Variants in SORCS3 observed in about 807,000 individuals in gnomAD.
SORCS3 encodes sortilin related VPS10 domain containing receptor 3.
A neutral mutation model predicts 146.3 loss-of-function variants in SORCS3; 57 were observed. That is an observed-to-expected ratio of 0.39 (90% CI 0.31 to 0.49). The LOEUF (loss-of-function observed/expected upper bound fraction) is 0.49. Among genes scored for constraint, SORCS3 ranks in the 20% least tolerant of loss-of-function variants. The probability of loss-of-function intolerance (pLI) is 0.92; values close to 1 mark genes in which losing one functional copy is unlikely to be tolerated. For missense variants in SORCS3, 1,341 were observed against 1,575.5 expected (o/e 0.85, Z 2.52); for synonymous variants, 653 against 618.5 (o/e 1.06, Z -0.83).
At chr10:105,155,761 G>A (rs1280294819) in intron 9 of SORCS3, among the ~76,000 whole-genome samples, 1 of 152,090 alleles carries the variant, frequency 6.6e-6, no homozygotes, top group Non-Finnish European at 1.5e-5. Context: ...CCCTACCTTG[G>A]TTTCTCTGCT....
Position 104,641,864 on chromosome 10 carries a change from A to G in SORCS3, c.537A>G (p.Glu179=). Reference sequence around the variant, plus strand: ...CGCGGGCTGGGGGGTCGGCGGCTGAAGACCTCCGGCTGCCCAGCACCTCCT... The same window carrying G: ...CGCGGGCTGGGGGGTCGGCGGCTGAGGACCTCCGGCTGCCCAGCACCTCCT... ...KAPRAGGSAA[E]DLRLPSTSFA... is the part of the protein sequence containing the mutation. Residue 179 remains glutamate, a synonymous_variant, in exon 1 of 27, where the codon GAA becomes GAG. Transcript: ENST00000369701. This position sits in a 1 kb window ranked among gnomAD's most constrained non-coding sequence, Gnocchi z 6.4. 1.3e-6 allele frequency: 2 copies of G among 1,581,174 alleles called. No homozygotes were observed. The highest frequency in any genetic ancestry group is 4.6e-5 in the East Asian group (2 of 43,146).
chr10:104,720,847 T>C (rs911028446), intron 1 of SORCS3, among the ~76,000 whole-genome samples: 2 of 152,234 alleles, frequency 1.3e-5, no homozygotes, highest in Non-Finnish European at 2.9e-5. Flanking sequence ...TGTAAATTTG[T>C]TTGAGTTCAT....
chr10:104,818,648 TA>T (rs2017835838), intron 1 of SORCS3, among the ~76,000 whole-genome samples: 2 of 152,166 alleles, frequency 1.3e-5, no homozygotes, highest in Non-Finnish European at 2.9e-5. Flanking sequence ...ACTCTGAGCT[TA>T]TGTCAGTTCC....
At chr10:104,962,995 A>G (rs2054804972) in intron 3 of SORCS3, among the ~76,000 whole-genome samples, 1 of 152,218 alleles carries the variant, frequency 6.6e-6, no homozygotes, top group South Asian at 2.1e-4. Flanking sequence ...CATATGTCAT[A>G]AAAGTATTTG....
intron 1 of SORCS3, among the ~76,000 whole-genome samples, chr10:104,696,030 TATA>T (rs1007863239): frequency 4.6e-5 from 6 of 131,706 alleles, no homozygotes; most frequent in Admixed American, 8.4e-5. Flanking sequence ...CATATACACA[TATA>T]ATATATAATA....
chr10:104,855,903 T>C (rs556640566), intron 2 of SORCS3, among the ~76,000 whole-genome samples: 1 of 152,150 alleles, frequency 6.6e-6, no homozygotes, highest in South Asian at 2.1e-4. Flanking sequence ...ACCTGGCTGA[T>C]TTCTAATTTT....
chr10:105,153,519 T>C (rs790751), intron 9 of SORCS3, among the ~76,000 whole-genome samples: 73,003 of 151,924 alleles, frequency 0.48, 18,082 homozygotes, highest in Non-Finnish European at 0.53. Flanking sequence ...ACCAAATTAT[T>C]CCAAAAGTGG....
chr10:105,017,539 C>T (rs753606949), intron 4 of SORCS3, among the ~76,000 whole-genome samples: 9 of 152,132 alleles, frequency 5.9e-5, no homozygotes, highest in Admixed American at 2.0e-4. Context: ...TGGGGAGGCA[C>T]TCATGGGCTT....
rs556488945 is a variant in SORCS3 at position 104,911,404 on chromosome 10, T to C, written c.696-4429T>C. Reference sequence around the variant, plus strand: ...CAGTCCCTCTTTTCAGCAGCCACTTTTGGAAAATAGCAAAGTCAGTGTTAA... The same window carrying C: ...CAGTCCCTCTTTTCAGCAGCCACTTCTGGAAAATAGCAAAGTCAGTGTTAA... On this transcript the variant is annotated intron_variant, in intron 2 of 26. Transcript: ENST00000369701. 1.1e-4 allele frequency among the ~76,000 whole-genome samples: 17 copies of C among 152,328 alleles called. No homozygotes were observed. The East Asian group carries it at 2.9e-3, about 26-fold the overall frequency.
chr10:104,989,547 AAGT>A (rs1210685898), intron 4 of SORCS3, among the ~76,000 whole-genome samples: 1 of 152,132 alleles, frequency 6.6e-6, no homozygotes, highest in African/African-American at 2.4e-5. Flanking sequence ...TCAAGGGAGG[AAGT>A]AGTAGGTGGA....
chr10:104,934,457 G>T (rs1449371943), intron 3 of SORCS3, among the ~76,000 whole-genome samples: 1 of 152,120 alleles, frequency 6.6e-6, no homozygotes, highest in African/African-American at 2.4e-5. Flanking sequence ...ATGTTTTTGT[G>T]TCCCTGAGTG....
intron 7 of SORCS3, among the ~76,000 whole-genome samples, chr10:105,120,570 A>C (rs751013386): frequency 3.9e-5 from 6 of 152,146 alleles, no homozygotes; most frequent in Non-Finnish European, 7.4e-5. Flanking sequence ...TGCTCCATTC[A>C]GAACTCTACT....
At chr10:104,940,701 C>T (rs2019312172) in intron 3 of SORCS3, among the ~76,000 whole-genome samples, 1 of 152,034 alleles carries the variant, frequency 6.6e-6, no homozygotes, top group East Asian at 1.9e-4. Context: ...CCGCAGTAAA[C>T]ATACGTGTGC....
intron 1 of SORCS3, among the ~76,000 whole-genome samples, chr10:104,766,881 T>C (rs1376911676): frequency 6.6e-6 from 1 of 152,220 alleles, no homozygotes; most frequent in Non-Finnish European, 1.5e-5. Context: ...AGGGTGCATA[T>C]TGGCCTTCTG....
At chr10:104,843,960 C>A (rs1032814962) in intron 2 of SORCS3, among the ~76,000 whole-genome samples, 1 of 152,280 alleles carries the variant, frequency 6.6e-6, no homozygotes. Context: ...CTGAGGGTTT[C>A]CTGGGGTTTT....
chr10:104,685,373 G>A (rs2133269038), intron 1 of SORCS3, among the ~76,000 whole-genome samples: 1 of 152,262 alleles, frequency 6.6e-6, no homozygotes, highest in Admixed American at 6.5e-5. Flanking sequence ...ATCCTACAGT[G>A]GGCAGGAGCT....
chr10:104,820,800 A>T (rs530981615), intron 1 of SORCS3, among the ~76,000 whole-genome samples: 2 of 152,260 alleles, frequency 1.3e-5, no homozygotes, highest in Admixed American at 1.3e-4. Flanking sequence ...TTACAATACA[A>T]TAAGAAGTTG....
At chr10:104,962,476 G>T (rs998527388) in intron 3 of SORCS3, among the ~76,000 whole-genome samples, 1 of 152,024 alleles carries the variant, frequency 6.6e-6, no homozygotes, top group Non-Finnish European at 1.5e-5. Context: ...GATAGTTTGG[G>T]GCAGCAGATT....
intron 5 of SORCS3, among the ~76,000 whole-genome samples, chr10:105,081,178 T>C (rs1430530462): frequency 6.6e-6 from 1 of 152,194 alleles, no homozygotes; most frequent in East Asian, 1.9e-4. Context: ...TTATAAAGCA[T>C]TCATACTTTG....
Sources: allele counts gnomAD v4.1 joint callset (sites outside exome capture counted in the v4.1 genomes callset), GRCh38; gene constraint gnomAD v4.1.1; non-coding constraint Gnocchi (gnomAD v3.1); transcripts MANE v1.5; gene names NCBI Gene and HGNC (gene_info 2026-07-23, HGNC 2026-07-21).